Variants in MFAP3L observed in about 807,000 individuals in gnomAD.
MFAP3L encodes microfibrillar-associated protein 3-like.
MFAP3L carries 5 observed loss-of-function variants against 20.0 expected under a neutral mutation model. The ratio of observed to expected loss-of-function variants is 0.25; its 90% CI spans 0.13 to 0.53. The LOEUF (loss-of-function observed/expected upper bound fraction) is 0.53, where lower values mean the gene tolerates loss of function less well. Among genes scored for constraint, MFAP3L ranks in the 20% least tolerant of loss-of-function variants. MFAP3L has a pLI of 0.96. For synonymous variants in MFAP3L, 219 were observed against 213.0 expected (o/e 1.03, Z -0.25); for missense variants, 409 against 527.5 (o/e 0.78, Z 2.20).
At chr4:169,993,992 G>A (rs186235109) in intron 2 of MFAP3L, among the ~76,000 whole-genome samples, 52 of 152,236 alleles carry the variant, frequency 3.4e-4, no homozygotes, top group African/African-American at 1.2e-3. Context: ...TTCAGCTGCA[G>A]ATTTTTTCAA....
chr4:170,012,183 T>A (rs1739425567), intron 1 of MFAP3L, among the ~76,000 whole-genome samples: 1 of 152,040 alleles, frequency 6.6e-6, no homozygotes, highest in Non-Finnish European at 1.5e-5. Flanking sequence ...TTATACAATA[T>A]CCAGGAAGGA....
chr4:170,026,479 G>A (rs1449877060), upstream of MFAP3L: 23 of 180,002 alleles, frequency 1.3e-4, no homozygotes, highest in Non-Finnish European at 8.5e-5. Flanking sequence ...GGGCGGCGCG[G>A]AGGCGCGGGT....
At chr4:170,004,742 G>A (rs1424449264) in intron 2 of MFAP3L, among the ~76,000 whole-genome samples, 1 of 152,140 alleles carries the variant, frequency 6.6e-6, no homozygotes, top group South Asian at 2.1e-4. Flanking sequence ...TGGAACAGGA[G>A]GGCAATGTGA....
chr4:170,005,512 C>A, intron 2 of MFAP3L, 68 bp downstream of exon 2: 1 of 1,500,118 alleles, frequency 6.7e-7, no homozygotes, highest in Non-Finnish European at 9.2e-7. Flanking sequence ...GAACTAACAT[C>A]ACGGGTGCTG....
intron 2 of MFAP3L, among the ~76,000 whole-genome samples, chr4:170,001,781 T>C (rs1359242737): frequency 1.3e-5 from 2 of 152,236 alleles, no homozygotes; most frequent in African/African-American, 4.8e-5. Flanking sequence ...ACAGGTTCTT[T>C]GCTGAACTAC....
At position 170,000,006 on chromosome 4, in the gene MFAP3L, G is replaced by A. The variant is rs896604136; in HGVS notation, c.298+5574C>T. On this transcript the variant is annotated intron_variant, in intron 2 of 2. Coordinates refer to ENST00000361618, the MANE Select transcript of MFAP3L (RefSeq NM_021647.8). Reference sequence around the variant, plus strand: ...CAACCAGCCTGACCCTACTGGTTATGACAACCAAAAATGTCTCCAGACTTG... The same window carrying A: ...CAACCAGCCTGACCCTACTGGTTATAACAACCAAAAATGTCTCCAGACTTG... Among the ~76,000 whole-genome samples, 11 of 152,328 alleles carry A rather than the reference G, an allele frequency of 7.2e-5. No individual in the cohort carries two copies. In the East Asian group the frequency reaches 2.1e-3, roughly 29 times the overall value.
Position 170,005,783 on chromosome 4 carries a change from G to A in MFAP3L, c.95C>T (p.Thr32Ile). 1 of 1,614,238 alleles carries A rather than the reference G, an allele frequency of 6.2e-7. No individual in the cohort carries two copies. The highest frequency in any genetic ancestry group is 1.1e-5 in the South Asian group (1 of 91,092). The change falls in exon 2 of 3, where the codon ACT becomes ATT. Residue 32 changes from threonine to isoleucine, a missense_variant. Coordinates refer to ENST00000361618, the MANE Select transcript of MFAP3L (RefSeq NM_021647.8). ...VSTLATAKSV[T>I]NSTLNGTNVV... ...GTTAGTGCCATTTAAAGTGCTGTTA[G>A]TCACACTCTTAGCGGTGGCTAGAGT...
At chr4:170,009,262 A>G (rs1167551452) in intron 1 of MFAP3L, among the ~76,000 whole-genome samples, 1 of 151,926 alleles carries the variant, frequency 6.6e-6, no homozygotes, top group Non-Finnish European at 1.5e-5. Flanking sequence ...GTGCTCCTGT[A>G]GTCCCAGCTA....
At chr4:170,027,168 G>GT (rs909166452), upstream of MFAP3L, 3 of 149,172 alleles carry the variant, frequency 2.0e-5, no homozygotes, top group Non-Finnish European at 4.4e-5. Flanking sequence ...ACCTACAGAA[G>GT]TTTCGCTACA....
chr4:169,988,658 G>A lies in MFAP3L; in HGVS notation c.*2720C>T, dbSNP rs531026572. 1 of 152,138 alleles carries A rather than the reference G, an allele frequency of 6.6e-6. No individual in the cohort carries two copies. The highest frequency in any genetic ancestry group is 1.5e-5 in the Non-Finnish European group (1 of 68,022). The allele number at this position is 152,138 out of a possible 1,614,324, so 9.4% of individuals were successfully genotyped here. On this transcript the variant is annotated 3_prime_UTR_variant, in exon 3 of 3. Coordinates refer to ENST00000361618, the MANE Select transcript of MFAP3L (RefSeq NM_021647.8). The stretch of plus-strand genomic sequence containing the variant: ...TCTGCATTTCATATTCTAGCAGGAG[G>A]GCCTCTCATTTCATAAAGAAGCTGT...
rs559112401 is a variant in MFAP3L at position 169,989,656 on chromosome 4, T to C, written c.*1722A>G. 2.6e-4 allele frequency: 39 copies of C among 152,314 alleles called. No homozygotes were observed. The highest frequency in any genetic ancestry group is 5.3e-4 in the Non-Finnish European group (36 of 68,016). The allele number at this position is 152,314 out of a possible 1,614,324, so 9.4% of individuals were successfully genotyped here. A position where few individuals can be genotyped will look rare whatever the true frequency, so the allele number is the denominator to read the frequency against. ...TGTCCAAGGTCACCTCCTCAGATGG[T>C]GACAGAGTGAGGACTAAACATCTGG... On this transcript the variant is annotated 3_prime_UTR_variant, in exon 3 of 3. Coordinates refer to ENST00000361618, the MANE Select transcript of MFAP3L (RefSeq NM_021647.8).
intron 2 of MFAP3L, among the ~76,000 whole-genome samples, chr4:169,995,945 G>A (rs1738125039): frequency 1.3e-5 from 2 of 152,168 alleles, no homozygotes; most frequent in South Asian, 2.1e-4. Flanking sequence ...AGACTCTCAC[G>A]TTCTTCCTGC....
intron 2 of MFAP3L, chr4:169,997,690 G>A (rs928585248): frequency 1.0e-6 from 1 of 984,596 alleles, no homozygotes; most frequent in Admixed American, 6.1e-5. Context: ...ACGGCTGCCT[G>A]GCTGGGTAGG....
At chr4:170,000,881 C>A (rs1738567002) in intron 2 of MFAP3L, among the ~76,000 whole-genome samples, 1 of 152,066 alleles carries the variant, frequency 6.6e-6, no homozygotes, top group Admixed American at 6.5e-5. Flanking sequence ...TGCCACCAAG[C>A]CCTGCTAACT....
At chr4:169,999,890 G>A (rs1416857409) in intron 2 of MFAP3L, among the ~76,000 whole-genome samples, 1 of 152,144 alleles carries the variant, frequency 6.6e-6, no homozygotes, top group African/African-American at 2.4e-5. Context: ...GACATTTGGG[G>A]CTCGATAATT....
intron 2 of MFAP3L, chr4:169,994,860 G>A (rs970828692): frequency 2.0e-5 from 3 of 152,158 alleles, no homozygotes; most frequent in African/African-American, 7.2e-5. Context: ...AATTTTATTT[G>A]TTCTGAAAGT....
rs1284858362 is a variant in MFAP3L at position 169,988,688 on chromosome 4, T to C, written c.*2690A>G. ...CTCATTTCATAAAGAAGCTGTAGGA[T>C]GGATAGGAAGAGTGTAGCATTTTTG... On this transcript the variant is annotated 3_prime_UTR_variant, in exon 3 of 3. Transcript: ENST00000361618. 2 of 152,192 alleles carry C rather than the reference T, an allele frequency of 1.3e-5. No homozygotes were observed. Among genetic ancestry groups the C allele is most frequent in the Admixed American group, 6.5e-5 (1 of 15,274 alleles). The allele number at this position is 152,192 out of a possible 1,614,324, so 9.4% of individuals were successfully genotyped here.
chr4:170,005,043 C>T (rs1403749345), intron 2 of MFAP3L: 1 of 154,772 alleles, frequency 6.5e-6, no homozygotes, highest in Non-Finnish European at 1.4e-5. Flanking sequence ...TGTCCCACAT[C>T]CTTCCTTGTT....
rs1737726002 is a variant in MFAP3L, at chr4:169,991,840, C to A, written c.768G>T (p.Glu256Asp). The change falls in exon 3 of 3, where the codon GAG becomes GAT. Residue 256 changes from glutamate (E) to aspartate (D), a missense_variant. Glu to Asp is a conservative substitution (Grantham distance 45). Coordinates refer to ENST00000361618, the MANE Select transcript of MFAP3L (RefSeq NM_021647.8). This position sits in a 1 kb window ranked among gnomAD's most constrained non-coding sequence, Gnocchi z 4.9. ...CCTCCAGCCCAACCACCTCCATAAT[C>A]TCCTCCATGATAGTCCTGCAGTTCA... is the stretch of plus-strand genomic sequence containing the variant. ...LIMNCRTIME[E>D]IMEVVGLEEQ... The A allele has an allele frequency of 6.2e-7, 1 of 1,614,162 alleles. No homozygotes were observed. Among genetic ancestry groups the A allele is most frequent in the Non-Finnish European group, 8.5e-7 (1 of 1,180,042 alleles).
Sources: allele counts gnomAD v4.1 joint callset (sites outside exome capture counted in the v4.1 genomes callset), GRCh38; gene constraint gnomAD v4.1.1; non-coding constraint Gnocchi (gnomAD v3.1); transcripts MANE v1.5; gene names NCBI Gene and HGNC (gene_info 2026-07-23, HGNC 2026-07-21).